STIL: variants seen among roughly 807,000 people sequenced by gnomAD.
STIL encodes STIL centriolar assembly protein, also known as SCL-interrupting locus protein.
Under a neutral mutation model 110.1 loss-of-function variants are expected in STIL, and 55 were observed. The ratio of observed to expected loss-of-function variants is 0.50; its 90% CI spans 0.40 to 0.63. The LOEUF (loss-of-function observed/expected upper bound fraction) is 0.63, where lower values mean the gene tolerates loss of function less well. Among genes scored for constraint, STIL ranks in the 20% least tolerant of loss-of-function variants. The pLI, the probability that STIL is intolerant of heterozygous loss-of-function variation, is 0.00. For synonymous variants in STIL, 481 were observed against 530.0 expected, an observed-to-expected ratio of 0.91 and a Z score of 1.27; for missense variants, 1,358 against 1,530.0, an observed-to-expected ratio of 0.89 and a Z score of 1.87.
chr1:47,311,355 G>T (rs1258524725), intron 1 of STIL, among the ~76,000 whole-genome samples: 2 of 147,722 alleles, frequency 1.4e-5, no homozygotes, highest in Non-Finnish European at 3.0e-5. Flanking sequence ...TGCAATCTCA[G>T]CTCACTGCAA....
At chr1:47,311,349 A>G (rs550661996) in intron 1 of STIL, among the ~76,000 whole-genome samples, 2 of 149,646 alleles carry the variant, frequency 1.3e-5, no homozygotes, top group Non-Finnish European at 3.0e-5. Flanking sequence ...CAGTGGTGCA[A>G]TCTCAGCTCA....
chr1:47,289,449 A>C lies in STIL; in HGVS notation c.1009T>G (p.Leu337Val). 1 of 1,613,918 alleles carries C rather than the reference A, an allele frequency of 6.2e-7. No homozygotes were observed. Among genetic ancestry groups the C allele is most frequent in the Non-Finnish European group, 8.5e-7 (1 of 1,179,852 alleles). ...AAATCACTTACTTTGAAAAGATGTA[A>C]TGTTTCCTTACTGGTTAGCAACTGA... ...RFQLLTSKET[L>V]HLFKNVEPPD... The change falls in exon 9 of 17, where the codon TTA (leucine) becomes GTA (valine). Residue 337 changes from leucine to valine, a missense_variant. By Grantham distance (32) the Leu-to-Val change is conservative. Transcript: ENST00000371877.
At chr1:47,302,792 C>T (rs1055703081) in intron 3 of STIL, among the ~76,000 whole-genome samples, 2 of 152,040 alleles carry the variant, frequency 1.3e-5, no homozygotes, top group East Asian at 1.9e-4. Context: ...CCTATACATA[C>T]GTATCTATGA....
In STIL at chr1:47,251,399, C is replaced by T; in HGVS notation, c.3604G>A (p.Glu1202Lys). Residue 1202 changes from glutamate to lysine, a missense_variant, in exon 17 of 17, where the codon GAA becomes AAA. Coordinates refer to ENST00000371877, the MANE Select transcript of STIL (RefSeq NM_001048166.1). ...DTPVLRNITNEVLQTKAKQQL... is the reference protein window; with the variant it reads ...DTPVLRNITNKVLQTKAKQQL... ...TGTTTTGCTTTTGTCTGCAAAACTTCATTTGTAATATTTCTCAATACTGGC... is the reference window on the plus strand; with the variant it reads ...TGTTTTGCTTTTGTCTGCAAAACTTTATTTGTAATATTTCTCAATACTGGC... 6.2e-7 allele frequency: 1 copy of T among 1,614,170 alleles called. No individual in the cohort carries two copies. The highest frequency in any genetic ancestry group is 8.5e-7 in the Non-Finnish European group (1 of 1,180,030).
Position 47,295,861 on chromosome 1 carries a change from C to T in STIL, c.702-13G>A. The T allele has an allele frequency of 6.3e-7, 1 of 1,584,532 alleles. No homozygotes were observed. Among genetic ancestry groups the T allele is most frequent in the Non-Finnish European group, 8.7e-7 (1 of 1,153,886 alleles). ...CATGGTAAGATATCTAAACAGAAGA[C>T]ATTCATGTGAAAATAACTGAAATTA... On this transcript the variant is annotated splice_polypyrimidine_tract_variant and intron_variant, in intron 6 of 16. Coordinates refer to ENST00000371877, the MANE Select transcript of STIL (RefSeq NM_001048166.1).
chr1:47,309,825 T>C (rs2149272153), intron 2 of STIL, among the ~76,000 whole-genome samples: 1 of 152,272 alleles, frequency 6.6e-6, no homozygotes, highest in African/African-American at 2.4e-5. Flanking sequence ...ATTATTCCCA[T>C]CAAGGAATCA....
At chr1:47,269,923 T>C in intron 13 of STIL, 57 bp from the exon 14 acceptor site, 1 of 1,502,134 alleles carries the variant, frequency 6.7e-7, no homozygotes, top group African/African-American at 1.4e-5. Context: ...AAAATAATAC[T>C]CTGCCAAACC....
intron 10 of STIL, among the ~76,000 whole-genome samples, chr1:47,284,846 C>T (rs1645248535): frequency 1.3e-5 from 2 of 151,380 alleles, no homozygotes; most frequent in Admixed American, 1.3e-4. Flanking sequence ...GCTGAGATCA[C>T]ACCACTGTAC....
intron 13 of STIL, 82 bp from the exon 14 acceptor site, chr1:47,269,948 C>T (rs1442845852): frequency 2.2e-6 from 3 of 1,351,654 alleles, no homozygotes; most frequent in Non-Finnish European, 3.2e-6. Flanking sequence ...TTAAGAATAG[C>T]CATATTGGCT....
chr1:47,272,151 C>T lies in STIL; in HGVS notation c.2308G>A (p.Glu770Lys). 1 of 1,614,184 alleles carries T rather than the reference C, an allele frequency of 6.2e-7. No homozygotes were observed. Among genetic ancestry groups the T allele is most frequent in the Non-Finnish European group, 8.5e-7 (1 of 1,180,024 alleles). The change falls in exon 13 of 17, where the codon GAG (glutamate) becomes AAG (lysine). Residue 770 changes from glutamate to lysine, a missense_variant. Glu to Lys is a moderately conservative substitution (Grantham distance 56). Coordinates refer to ENST00000371877, the MANE Select transcript of STIL (RefSeq NM_001048166.1). The stretch of plus-strand genomic sequence containing the variant: ...GACTGTGCTTCCACAGAAACCAACT[C>T]CATTTGTCTTCCAGCTTGCACTGTG... ...EDTVQAGRQMELVSVEAQSSP... is the reference protein window; with the variant it reads ...EDTVQAGRQMKLVSVEAQSSP...
At chr1:47,305,177 G>A (rs1645919224) in intron 2 of STIL, 181 bp from the exon 3 acceptor site, 1 of 536,478 alleles carries the variant, frequency 1.9e-6, no homozygotes, top group African/African-American at 1.9e-5. Context: ...CCAGGCTGGA[G>A]TGCAGTGGCG....
intron 5 of STIL, among the ~76,000 whole-genome samples, chr1:47,301,096 G>A (rs1394312214): frequency 6.6e-6 from 1 of 152,010 alleles, no homozygotes; most frequent in Non-Finnish European, 1.5e-5. Flanking sequence ...GGCAGACAAG[G>A]CTCTTCTTTC....
At position 47,293,488 on chromosome 1, in the gene STIL, C is replaced by G. The variant is rs113209638; in HGVS notation, c.842G>C (p.Arg281Pro). The G allele has an allele frequency of 6.2e-7, 1 of 1,613,228 alleles. No individual in the cohort carries two copies. ...TTGAACAGAAGAATTGAATATGTAT[C>G]GCAAACAGCAAGCCCATACCTGAGG... ...YSPQVWACCL[R>P]YIFNSSVQER... is the part of the protein sequence containing the mutation. Residue 281 changes from arginine (R) to proline (P), a missense_variant, in exon 8 of 17, where the codon CGA becomes CCA. Arg to Pro is a moderately radical substitution (Grantham distance 103). Transcript: ENST00000371877.
At chr1:47,258,992 C>CTTTTTTTTATTT (rs1644399070) in intron 16 of STIL, among the ~76,000 whole-genome samples, 1 of 94,402 alleles carries the variant, frequency 1.1e-5, no homozygotes, top group African/African-American at 4.6e-5. Flanking sequence ...AGTAACTTTG[C>CTTTTTTTTATTT]TTTTTTTTTT....
chr1:47,273,222 G>A (rs1644891360), intron 12 of STIL, among the ~76,000 whole-genome samples: 1 of 152,160 alleles, frequency 6.6e-6, no homozygotes. Flanking sequence ...TATAATTCAT[G>A]TACCATGAAA....
intron 6 of STIL, among the ~76,000 whole-genome samples, chr1:47,298,849 T>C (rs1273321906): frequency 6.6e-6 from 1 of 152,038 alleles, no homozygotes; most frequent in African/African-American, 2.4e-5. Flanking sequence ...GTTCAAGCGA[T>C]TCTCCTGCCT....
At chr1:47,291,021 G>A (rs936201758) in intron 8 of STIL, among the ~76,000 whole-genome samples, 2 of 152,100 alleles carry the variant, frequency 1.3e-5, no homozygotes, top group African/African-American at 4.8e-5. Context: ...CAGCCACAAG[G>A]CTTACTTCCT....
chr1:47,251,458 G>T lies in STIL; in HGVS notation c.3545C>A (p.Ser1182Tyr), dbSNP rs1403177589. ...GTTGGTCCCCACAGATTCACAGTTA[G>T]AACAATTAATTATTTCATGGTCATT... is the stretch of plus-strand genomic sequence containing the variant. The part of the protein sequence containing the change: ...SKNDHEIINC[S>Y]NCESVGTNAD... The change falls in exon 17 of 17, where the codon TCT becomes TAT. Residue 1182 changes from serine (S) to tyrosine (Y), a missense_variant. By Grantham distance (144) the Ser-to-Tyr change is moderately radical (BLOSUM62 -2). Transcript: ENST00000371877. 1.2e-6 allele frequency: 2 copies of T among 1,614,156 alleles called. No homozygotes were observed. Among genetic ancestry groups the T allele is most frequent in the South Asian group, 2.2e-5 (2 of 91,076 alleles).
At chr1:47,309,457 G>A (rs1337391876) in intron 2 of STIL, among the ~76,000 whole-genome samples, 1 of 150,440 alleles carries the variant, frequency 6.6e-6, no homozygotes, top group African/African-American at 2.4e-5. Flanking sequence ...AGAGATGGCA[G>A]GGGGGTAGAA....
Sources: gnomAD v4.1 joint callset for allele counts (sites outside exome capture counted in the v4.1 genomes callset) on GRCh38, gnomAD v4.1.1 for gene constraint, MANE v1.5 for transcripts, NCBI Gene and HGNC (gene_info 2026-07-23, HGNC 2026-07-21) for gene names.